The following KDM4B variants were observed in gnomAD, a reference collection of about 807,000 sequenced individuals.
KDM4B encodes lysine demethylase 4B.
Under a neutral mutation model 125.2 loss-of-function variants are expected in KDM4B, and 32 were observed. The observed-to-expected ratio is 0.26, with a 90% CI of 0.19 to 0.34. The LOEUF (loss-of-function observed/expected upper bound fraction) is 0.34, where lower values mean the gene tolerates loss of function less well. KDM4B is among the 10% of genes least tolerant of loss of function. KDM4B has a pLI of 1.00. For missense variants in KDM4B, 1,190 were observed against 1,577.7 expected, an observed-to-expected ratio of 0.75 and a Z score of 4.16; for synonymous variants, 721 against 677.9, an observed-to-expected ratio of 1.06 and a Z score of -0.99.
At position 5,110,803 on chromosome 19, in the gene KDM4B, C is replaced by T; in HGVS notation, c.1100C>T (p.Ala367Val). Residue 367 changes from alanine (A) to valine (V), a missense_variant, in exon 10 of 23, where the codon GCC becomes GTC. By Grantham distance (64) the Ala-to-Val change is moderately conservative. Around this residue, in one of 7 missense-constraint regions of KDM4B, gnomAD observed 428 missense variants for 405.1 expected, o/e 1.06. Coordinates refer to ENST00000159111, the MANE Select transcript of KDM4B (RefSeq NM_015015.3). ...AGTGCATCCCGGGCCTCGCTGAAGG[C>T]CAAGCTCCTCCGCAGGTGAGTTGCC... is the stretch of plus-strand genomic sequence containing the variant. The part of the protein sequence containing the change: ...SWSASRASLK[A>V]KLLRRSHRKR... 6.3e-7 allele frequency: 1 copy of T among 1,586,784 alleles called. No individual in the cohort carries two copies. The highest frequency in any genetic ancestry group is 8.6e-7 in the Non-Finnish European group (1 of 1,167,346).
intron 1 of KDM4B, among the ~76,000 whole-genome samples, chr19:4,988,530 T>C (rs1313410270): frequency 2.0e-5 from 3 of 152,064 alleles, no homozygotes; most frequent in Admixed American, 6.6e-5. Context: ...CCGCCTCGGC[T>C]TCCCAAAGTG....
At chr19:5,060,433 C>CAAAAAAAAAAAAAAAAAAAAAAAAA (rs901472663) in intron 6 of KDM4B, among the ~76,000 whole-genome samples, 2 of 32,978 alleles carry the variant, frequency 6.1e-5, no homozygotes, top group African/African-American at 8.1e-5. Context: ...ACTCTGTCTC[C>CAAAAAAAAAAAAAAAAAAAAAAAAA]AAAAAAAAAA....
At chr19:5,099,263 C>T (rs900828547) in intron 9 of KDM4B, among the ~76,000 whole-genome samples, 20 of 152,102 alleles carry the variant, frequency 1.3e-4, no homozygotes, top group Non-Finnish European at 2.5e-4. Context: ...TTCAGTTTCT[C>T]AGAGAGAAAC....
In KDM4B at chr19:5,137,243, A is replaced by T; in HGVS notation, c.2309-19A>T. 1.3e-6 allele frequency: 2 copies of T among 1,551,504 alleles called. No individual in the cohort carries two copies. The highest frequency in any genetic ancestry group is 1.7e-6 in the Non-Finnish European group (2 of 1,146,642). ...CTCACCTGCCCCCCAGATCTCAGCC[A>T]GCCCCCGCTGTCTTCCAGGTTGCTA... On this transcript the variant is annotated intron_variant, in intron 15 of 22. Coordinates refer to ENST00000159111, the MANE Select transcript of KDM4B (RefSeq NM_015015.3).
intron 1 of KDM4B, among the ~76,000 whole-genome samples, chr19:5,011,997 G>A (rs957171178): frequency 6.6e-6 from 1 of 152,218 alleles, no homozygotes; most frequent in Non-Finnish European, 1.5e-5. Context: ...CACGTGCGGG[G>A]CAGTGGCTGT....
Position 4,971,952 on chromosome 19 carries a change from CG to C in KDM4B, c.-109+2728del, listed in dbSNP as rs2034274439. On this transcript the variant is annotated intron_variant, in intron 1 of 22. Transcript: ENST00000159111. The surrounding 1 kb of genome is among the most constrained non-coding windows in gnomAD (Gnocchi z 4.1). ...AGATGAACAGGGTGGGGGCTCGGGG[CG>C]GGGGGAGCTCCGCAGGCCTGCACTG... Among the ~76,000 whole-genome samples, 1 of 108,156 alleles carries C rather than the reference CG, an allele frequency of 9.2e-6. No homozygotes were observed. The allele number at this position is 108,156 out of a possible 152,430, so 71.0% of individuals were successfully genotyped here.
chr19:5,133,277 G>A (rs2039590470), intron 13 of KDM4B, among the ~76,000 whole-genome samples: 1 of 152,218 alleles, frequency 6.6e-6, no homozygotes, highest in African/African-American at 2.4e-5. Context: ...CCTTCCGGGA[G>A]AGTGTCCCCG....
intron 21 of KDM4B, among the ~76,000 whole-genome samples, chr19:5,146,244 C>T (rs538110786): frequency 7.9e-5 from 12 of 151,028 alleles, no homozygotes; most frequent in African/African-American, 2.2e-4. Flanking sequence ...GGACCCCCCC[C>T]GCTCCGCCGT....
At chr19:5,059,403 G>C (rs1183338969) in intron 6 of KDM4B, among the ~76,000 whole-genome samples, 1 of 152,212 alleles carries the variant, frequency 6.6e-6, no homozygotes. Flanking sequence ...CCCGCCGAGG[G>C]CTCGGGCCGC....
chr19:5,015,301 G>A (rs114673755), intron 1 of KDM4B, among the ~76,000 whole-genome samples: 125 of 152,154 alleles, frequency 8.2e-4, no homozygotes, highest in African/African-American at 2.9e-3. Context: ...AGGTTGGAGT[G>A]CGTGCAATGG....
intron 2 of KDM4B, among the ~76,000 whole-genome samples, chr19:5,018,724 C>T (rs1286265279): frequency 6.6e-6 from 1 of 152,196 alleles, no homozygotes; most frequent in East Asian, 1.9e-4. Flanking sequence ...GCTCTTCATC[C>T]TGTCCCCCAC....
chr19:5,139,045 C>T (rs1052530433), intron 18 of KDM4B, among the ~76,000 whole-genome samples: 23 of 152,162 alleles, frequency 1.5e-4, no homozygotes, highest in African/African-American at 5.6e-4. Context: ...GCCTCAGCCT[C>T]CTGAGTAGCT....
intron 12 of KDM4B, 32 bp from the exon 13 acceptor site, chr19:5,131,855 G>A: frequency 5.6e-6 from 9 of 1,612,474 alleles, no homozygotes; most frequent in Non-Finnish European, 7.6e-6. Flanking sequence ...GTCTGTAGCG[G>A]GGCCCTCACT....
rs1233068063 is a variant in KDM4B, at chr19:5,019,935, GGTGTGCAGGTGTTA to G, written c.-26+3624_-26+3637del. On this transcript the variant is annotated intron_variant, in intron 2 of 22. Coordinates refer to ENST00000159111, the MANE Select transcript of KDM4B (RefSeq NM_015015.3). ...TGGTGTGGATGTTGGTGTGGGTGTT[GGTGTGCAGGTGTTA>G]GTGTGCAGGTGTTAGTGTGCAGGTG... Among the ~76,000 whole-genome samples, 72 of 136,696 alleles carry G rather than the reference GGTGTGCAGGTGTTA, an allele frequency of 5.3e-4. 2 individuals carry two copies. Among genetic ancestry groups the G allele is most frequent in the Admixed American group, 2.6e-3 (35 of 13,334 alleles). 89.7% of individuals were successfully genotyped at this position (136,696 alleles called of 152,430 possible). A position where few individuals can be genotyped will look rare whatever the true frequency, so the allele number is the denominator to read the frequency against.
rs1302938403 is a variant in KDM4B at position 5,114,669 on chromosome 19, G to A, written c.1115+3851G>A. Among the ~76,000 whole-genome samples, 1 of 152,120 alleles carries A rather than the reference G, an allele frequency of 6.6e-6. No individual in the cohort carries two copies. Among genetic ancestry groups the A allele is most frequent in the Non-Finnish European group, 1.5e-5 (1 of 68,004 alleles). On this transcript the variant is annotated intron_variant, in intron 10 of 22. Coordinates refer to ENST00000159111, the MANE Select transcript of KDM4B (RefSeq NM_015015.3). This position sits in a 1 kb window ranked among gnomAD's most constrained non-coding sequence, Gnocchi z 5.8. ...GGGGTGGGGAGCACTGGGCCACTTTGGGTCGGGGGTGGGCGGCTCTGAGGG... is the reference window on the plus strand; with the variant it reads ...GGGGTGGGGAGCACTGGGCCACTTTAGGTCGGGGGTGGGCGGCTCTGAGGG...
chr19:4,996,741 G>T (rs1309001134), intron 1 of KDM4B, among the ~76,000 whole-genome samples: 2 of 152,150 alleles, frequency 1.3e-5, no homozygotes, highest in Non-Finnish European at 2.9e-5. Context: ...GTTCTTGTTT[G>T]AGTTGCCAGT....
chr19:5,130,996 G>T, intron 11 of KDM4B, 80 bp from the exon 12 acceptor site: 1 of 1,096,990 alleles, frequency 9.1e-7, no homozygotes, highest in Non-Finnish European at 1.3e-6. Context: ...CCCAGTCAAA[G>T]TTGGGGGATT....
At chr19:5,027,289 G>A (rs924750605) in intron 2 of KDM4B, among the ~76,000 whole-genome samples, 5 of 152,228 alleles carry the variant, frequency 3.3e-5, no homozygotes, top group Non-Finnish European at 7.3e-5. Context: ...GGAAGGATGT[G>A]TCTCTCTGTG....
At chr19:5,007,637 C>T (rs559599860) in intron 1 of KDM4B, among the ~76,000 whole-genome samples, 108 of 151,142 alleles carry the variant, frequency 7.1e-4, no homozygotes, top group Non-Finnish European at 1.3e-3. Context: ...CCTCCAACTC[C>T]CAGGCTCAAG....
Sources: gnomAD v4.1 joint callset for allele counts (sites outside exome capture counted in the v4.1 genomes callset) on GRCh38, gnomAD v4.1.1 for gene constraint, gnomAD v4.1.1 regional missense constraint, Gnocchi (gnomAD v3.1) non-coding constraint, MANE v1.5 for transcripts, NCBI Gene and HGNC (gene_info 2026-07-23, HGNC 2026-07-21) for gene names.